Variants in PUDP observed in about 807,000 individuals in gnomAD.
PUDP encodes pseudouridine 5'-phosphatase, also known as pseudouridine-5'-phosphatase.
Under a neutral mutation model 9.4 loss-of-function variants are expected in PUDP, and 8 were observed. The observed-to-expected ratio is 0.85, with a 90% CI of 0.50 to 1.53. The LOEUF is 1.53. Ranked by LOEUF, PUDP falls within the 40% of genes most tolerant of loss-of-function variation. PUDP has a pLI of 0.00. For synonymous variants in PUDP, 99 were observed against 80.7 expected, an observed-to-expected ratio of 1.23 and a Z score of -1.22; for missense variants, 188 against 189.7, an observed-to-expected ratio of 0.99 and a Z score of 0.05.
At chrX:7,029,424 A>G (rs1929763617) in intron 1 of PUDP, among the ~76,000 whole-genome samples, 1 of 112,287 alleles carries the variant, frequency 8.9e-6, no homozygotes, top group African/African-American at 3.2e-5. Context: ...AAATAACGAC[A>G]TATGGAAAAG....
At chrX:6,756,449 G>T (rs967299842) in intron 3 of PUDP, among the ~76,000 whole-genome samples, 3 of 112,382 alleles carry the variant, frequency 2.7e-5, no homozygotes, top group African/African-American at 9.7e-5. Flanking sequence ...GAATGCTAAT[G>T]GGCACAGGCC....
At chrX:7,027,723 A>C (rs1241548109) in intron 1 of PUDP, among the ~76,000 whole-genome samples, 1 of 98,716 alleles carries the variant, frequency 1.0e-5, no homozygotes, top group Non-Finnish European at 2.0e-5. Flanking sequence ...ATTTATATAG[A>C]CTACATTATA....
chrX:7,142,497 G>A (rs1932805271), intron 1 of PUDP, among the ~76,000 whole-genome samples: 1 of 111,836 alleles, frequency 8.9e-6, no homozygotes, highest in Admixed American at 9.5e-5. Flanking sequence ...TCTTAGGGAC[G>A]CGAAAAGAAA....
chrX:6,976,471 C>T (rs970678900), intron 3 of PUDP, among the ~76,000 whole-genome samples: 2 of 111,798 alleles, frequency 1.8e-5, no homozygotes, highest in African/African-American at 3.3e-5. Context: ...CCCAACCTCT[C>T]GCACTTCCTG....
chrX:6,902,314 C>T, intron 3 of PUDP, among the ~76,000 whole-genome samples: 1 of 111,990 alleles, frequency 8.9e-6, no homozygotes, highest in Middle Eastern at 4.6e-3. Context: ...TTCTGTTTCC[C>T]TCAACCAGGC....
chrX:6,720,894 T>C (rs1924666054), intron 1 of PUDP, among the ~76,000 whole-genome samples: 1 of 111,023 alleles, frequency 9.0e-6, no homozygotes, highest in African/African-American at 3.3e-5. Flanking sequence ...TGTCTGTTTC[T>C]GGAATCCAAC....
intron 3 of PUDP, among the ~76,000 whole-genome samples, chrX:6,835,280 G>C (rs112239245): frequency 0.11 from 11,910 of 110,407 alleles, 678 homozygotes; most frequent in African/African-American, 0.22. Context: ...ACTCAAATGA[G>C]CTTGAAAGTG....
chrX:6,717,543 C>G (rs776588927), intron 1 of PUDP, among the ~76,000 whole-genome samples: 1 of 111,926 alleles, frequency 8.9e-6, no homozygotes, highest in Non-Finnish European at 1.9e-5. Flanking sequence ...GTGGTGAACA[C>G]CTGTGGTCCC....
intron 1 of PUDP, among the ~76,000 whole-genome samples, chrX:7,042,515 G>T (rs1602725938): frequency 8.9e-6 from 1 of 112,001 alleles, no homozygotes; most frequent in Non-Finnish European, 1.9e-5. Flanking sequence ...GAATTTGTGA[G>T]ATTTCATTGA....
At chrX:6,957,395 A>C (rs191121104) in intron 3 of PUDP, among the ~76,000 whole-genome samples, 1 of 110,747 alleles carries the variant, frequency 9.0e-6, no homozygotes, top group Admixed American at 9.7e-5. Context: ...ATTAAAAAAA[A>C]AAAAAATAGT....
chrX:7,059,182 C>G (rs1457790611), intron 3 of PUDP, among the ~76,000 whole-genome samples: 1 of 111,567 alleles, frequency 9.0e-6, no homozygotes, highest in Admixed American at 9.5e-5. Context: ...AACGAATTCT[C>G]TCTGTGTCAT....
Position 7,094,063 on chromosome X carries a change from G to A in PUDP, c.280+11557C>T, listed in dbSNP as rs772699562. ...GGATCACTTGAGCCAGGGAGGTCAA[G>A]GCTGCAGTGAGCCATGACTGCACCA... On this transcript the variant is annotated intron_variant, in intron 2 of 3. Transcript: ENST00000381077. 9.9e-5 allele frequency among the ~76,000 whole-genome samples: 11 copies of A among 111,567 alleles called. No homozygotes were observed. In the South Asian group the frequency reaches 3.1e-3, roughly 31 times the overall value.
intron 3 of PUDP, among the ~76,000 whole-genome samples, chrX:6,811,081 C>A (rs1282302438): frequency 1.8e-5 from 2 of 111,770 alleles, no homozygotes; most frequent in Admixed American, 9.5e-5. Context: ...GAACCCCTTG[C>A]TGCTCTTACT....
At chrX:6,782,183 AT>A (rs1925573636) in intron 3 of PUDP, among the ~76,000 whole-genome samples, 1 of 111,392 alleles carries the variant, frequency 9.0e-6, no homozygotes, top group Admixed American at 9.6e-5. Context: ...AGGCCGGGAA[AT>A]TCCGGTGCCC....
chrX:6,941,944 C>A (rs1348586995), intron 3 of PUDP, among the ~76,000 whole-genome samples: 3 of 111,739 alleles, frequency 2.7e-5, no homozygotes, highest in Non-Finnish European at 5.6e-5. Flanking sequence ...TGAAACAACT[C>A]AGAAACAGAA....
chrX:6,971,972 G>A (rs1489927577), intron 3 of PUDP, among the ~76,000 whole-genome samples: 6 of 111,418 alleles, frequency 5.4e-5, no homozygotes, highest in Non-Finnish European at 1.1e-4. Context: ...TCTCTTTGTA[G>A]CAATTGTGAA....
Position 6,776,722 on chromosome X carries a change from C to T in PUDP, c.*248-70256G>A, listed in dbSNP as rs970083167. Among the ~76,000 whole-genome samples, 6 of 111,970 alleles carry T rather than the reference C, an allele frequency of 5.4e-5. No individual in the cohort carries two copies. The South Asian group carries it at 2.2e-3, about 41-fold the overall frequency. ...TAGTTTCACTTCACCCTATATCATA[C>T]GCACTTTCCCACATCCTGTACTATT... On this transcript the variant is annotated intron_variant and NMD_transcript_variant, in intron 3 of 3. Coordinates refer to the PUDP transcript ENST00000655425.
At chrX:6,831,646 T>C (rs760608620) in intron 3 of PUDP, among the ~76,000 whole-genome samples, 5 of 112,346 alleles carry the variant, frequency 4.5e-5, no homozygotes, top group African/African-American at 1.3e-4. Context: ...AAAGATACCA[T>C]GTCATTCATC....
rs1257365969 is a variant in PUDP at position 7,096,866 on chromosome X, G to GT, written c.280+8753dup. On this transcript the variant is annotated intron_variant, in intron 2 of 3. Coordinates refer to ENST00000381077, the MANE Select transcript of PUDP (RefSeq NM_012080.5). ...GAAAAAAAAGCATATCATGATTGTG[G>GT]TTTTTTTTTTATCCTGAAGGGATAT... is the stretch of plus-strand genomic sequence containing the variant. Among the ~76,000 whole-genome samples, 32 of 106,587 alleles carry GT rather than the reference G, an allele frequency of 3.0e-4. No individual in the cohort carries two copies. In the Middle Eastern group the frequency reaches 0.014, roughly 47 times the overall value. The allele number at this position is 106,587 out of a possible 115,157, so 92.6% of individuals were successfully genotyped here.
Sources: allele counts gnomAD v4.1 joint callset (sites outside exome capture counted in the v4.1 genomes callset), GRCh38; gene constraint gnomAD v4.1.1; transcripts MANE v1.5; gene names NCBI Gene and HGNC (gene_info 2026-07-23, HGNC 2026-07-21).